RBFOX1: variants seen among roughly 807,000 people sequenced by gnomAD.
The protein encoded by RBFOX1 is RNA binding protein fox-1 homolog 1.
In RBFOX1, 8 loss-of-function variants were observed where a neutral mutation model predicts 57.7. The observed-to-expected ratio is 0.14, with a 90% confidence interval of 0.08 to 0.25. The LOEUF is 0.25. RBFOX1 is among the 10% of genes least tolerant of loss of function. The pLI is 1.00. For missense variants in RBFOX1, 611 were observed against 548.5 expected, an observed-to-expected ratio of 1.11 and a Z score of -1.14; for synonymous variants, 326 against 222.4, an observed-to-expected ratio of 1.47 and a Z score of -4.15.
chr16:6,910,214 G>A (rs1161453746), intron 3 of RBFOX1, among the ~76,000 whole-genome samples: 1 of 152,064 alleles, frequency 6.6e-6, no homozygotes, highest in Non-Finnish European at 1.5e-5. Context: ...GAAATCCTAA[G>A]AGGAGTCTCA....
At chr16:7,460,487 C>T (rs1276954648) in intron 4 of RBFOX1, among the ~76,000 whole-genome samples, 2 of 136,432 alleles carry the variant, frequency 1.5e-5, no homozygotes, top group African/African-American at 2.7e-5. Flanking sequence ...ATTATGTATG[C>T]CTTATATATA....
intron 2 of RBFOX1, chr16:6,483,429 T>G: frequency 3.3e-6 from 5 of 1,535,510 alleles, no homozygotes; most frequent in Non-Finnish European, 4.4e-6. Context: ...GGGTGCCGTT[T>G]GCTGTTGCCT....
At chr16:6,520,611 C>T (rs758529917) in intron 2 of RBFOX1, among the ~76,000 whole-genome samples, 20 of 152,104 alleles carry the variant, frequency 1.3e-4, no homozygotes, top group Non-Finnish European at 2.1e-4. Context: ...ATGTGGGCAC[C>T]TTTAGCTTGA....
chr16:6,164,406 A>AAT (rs1344731123), intron 1 of RBFOX1, among the ~76,000 whole-genome samples: 2 of 151,674 alleles, frequency 1.3e-5, no homozygotes, highest in African/African-American at 2.4e-5. Flanking sequence ...GCATTTCCAA[A>AAT]ATATATATAT....
chr16:5,417,490 T>G (rs2067192106), intron 1 of RBFOX1, among the ~76,000 whole-genome samples: 1 of 151,150 alleles, frequency 6.6e-6, no homozygotes, highest in Non-Finnish European at 1.5e-5. Flanking sequence ...GTGGTGTAGA[T>G]AAGGTGCCCC....
chr16:6,405,045 GC>G (rs200562243), intron 2 of RBFOX1, among the ~76,000 whole-genome samples: 1,960 of 152,288 alleles, frequency 0.013, 25 homozygotes, highest in Non-Finnish European at 0.021. Flanking sequence ...AAGTATTTAT[GC>G]CTGCATAACA....
intron 3 of RBFOX1, among the ~76,000 whole-genome samples, chr16:5,855,234 C>G (rs1012789580): frequency 6.6e-6 from 1 of 152,098 alleles, no homozygotes; most frequent in Non-Finnish European, 1.5e-5. Flanking sequence ...TTGATGAAAG[C>G]CTACTTGTTC....
intron 3 of RBFOX1, among the ~76,000 whole-genome samples, chr16:6,745,663 T>A (rs1332928066): frequency 6.6e-6 from 1 of 152,200 alleles, no homozygotes; most frequent in Non-Finnish European, 1.5e-5. Context: ...ATAAAAGGCA[T>A]CTATGGAAAA....
In RBFOX1 at chr16:5,268,038, C is replaced by A. The variant is rs181495834; in HGVS notation, c.219+27933C>A. Among the ~76,000 whole-genome samples the A allele has an allele frequency of 5.9e-5, 9 of 151,876 alleles. No individual in the cohort carries two copies. The South Asian group carries it at 1.9e-3, about 32-fold the overall frequency. On this transcript the variant is annotated intron_variant, in intron 1 of 2. Transcript: ENST00000585867. The stretch of plus-strand genomic sequence containing the variant: ...AGGTTGCAGTGAGCTGAGATCACAC[C>A]GCTGCATTCCAGCCTGGGAGACAGA...
In RBFOX1 at chr16:5,692,381, G is replaced by A. The variant is rs59655320; in HGVS notation, c.318+93420G>A. The stretch of plus-strand genomic sequence containing the variant: ...TGGCCAGTAGCCACCAAGAAAAAGC[G>A]GACCTCAGTCACACAGCTGCAAAAA... On this transcript the variant is annotated intron_variant, in intron 3 of 19. Coordinates refer to the RBFOX1 transcript ENST00000641259. Among the ~76,000 whole-genome samples the A allele has an allele frequency of 5.4e-3, 816 of 152,094 alleles. 5 individuals are homozygous for A. The highest frequency in any genetic ancestry group is 0.019 in the African/African-American group (782 of 41,490).
At chr16:6,908,830 A>G (rs1439267747) in intron 3 of RBFOX1, among the ~76,000 whole-genome samples, 1 of 152,162 alleles carries the variant, frequency 6.6e-6, no homozygotes, top group Non-Finnish European at 1.5e-5. Context: ...AGGTTGTGCC[A>G]GCCTCACAAG....
chr16:7,206,233 A>G (rs7205061), intron 4 of RBFOX1, among the ~76,000 whole-genome samples: 27,293 of 152,058 alleles, frequency 0.18, 2,669 homozygotes, highest in East Asian at 0.38. Flanking sequence ...GATTTACCAG[A>G]CAGTAACATC....
chr16:6,516,085 A>G (rs373320157), intron 2 of RBFOX1, among the ~76,000 whole-genome samples: 1 of 151,988 alleles, frequency 6.6e-6, no homozygotes. Context: ...CTGGAGTGCA[A>G]TGATAGAATC....
chr16:5,350,848 A>G (rs1427774167), intron 1 of RBFOX1, among the ~76,000 whole-genome samples: 1 of 149,140 alleles, frequency 6.7e-6, no homozygotes, highest in Non-Finnish European at 1.5e-5. Flanking sequence ...CTGGGCAACA[A>G]AAGTGAAACT....
At chr16:5,372,217 T>A (rs1439125181) in intron 1 of RBFOX1, among the ~76,000 whole-genome samples, 1 of 152,178 alleles carries the variant, frequency 6.6e-6, no homozygotes, top group African/African-American at 2.4e-5. Flanking sequence ...TGGGATGTTG[T>A]TCTGTCTCGG....
chr16:6,070,933 T>G (rs1171555559), intron 1 of RBFOX1, among the ~76,000 whole-genome samples: 2 of 152,182 alleles, frequency 1.3e-5, no homozygotes, highest in Non-Finnish European at 2.9e-5. Context: ...TCAAATTATT[T>G]TTGAGGTTTT....
At chr16:7,469,244 A>G (rs575405380) in intron 4 of RBFOX1, among the ~76,000 whole-genome samples, 15 of 150,762 alleles carry the variant, frequency 9.9e-5, no homozygotes, top group Non-Finnish European at 1.3e-4. Context: ...TTTAATTCTT[A>G]GTAGAGACAG....
At chr16:7,495,177 C>A (rs916317278) in intron 4 of RBFOX1, among the ~76,000 whole-genome samples, 1 of 152,284 alleles carries the variant, frequency 6.6e-6, no homozygotes, top group South Asian at 2.1e-4. Context: ...CATAGTATTC[C>A]ATGGTGTAGA....
chr16:7,525,637 T>A (rs561306746), intron 5 of RBFOX1, among the ~76,000 whole-genome samples: 3 of 152,268 alleles, frequency 2.0e-5, no homozygotes, highest in East Asian at 3.9e-4. Flanking sequence ...TGGGTGTGGC[T>A]TTCCCCCTCT....
Sources: gnomAD v4.1 joint callset for allele counts (sites outside exome capture counted in the v4.1 genomes callset) on GRCh38, gnomAD v4.1.1 for gene constraint, MANE v1.5 for transcripts, NCBI Gene and HGNC (gene_info 2026-07-23, HGNC 2026-07-21) for gene names.